The following CPNE4 variants were observed in gnomAD, a reference collection of about 807,000 sequenced individuals.
CPNE4 encodes the protein copine-4.
CPNE4 carries 25 observed loss-of-function variants against 67.9 expected under a neutral mutation model. The ratio of observed to expected loss-of-function variants is 0.37; its 90% CI spans 0.27 to 0.51. The LOEUF is 0.51. CPNE4 is among the 20% of genes least tolerant of loss of function. CPNE4 has a pLI of 0.93. For missense variants in CPNE4, 464 were observed against 690.8 expected (o/e 0.67, Z 3.68); for synonymous variants, 242 against 244.9 (o/e 0.99, Z 0.11).
chr3:131,560,663 T>G (rs1445174193), intron 11 of CPNE4, among the ~76,000 whole-genome samples: 2 of 152,052 alleles, frequency 1.3e-5, no homozygotes, highest in Non-Finnish European at 2.9e-5. Context: ...TTGTGCTTCA[T>G]TAATTTTTCT....
At chr3:131,990,941 C>A (rs1448932589) in intron 1 of CPNE4, among the ~76,000 whole-genome samples, 2 of 136,084 alleles carry the variant, frequency 1.5e-5, no homozygotes, top group African/African-American at 4.9e-5. Context: ...TTATAAGGGG[C>A]TTTCCCCCCT....
chr3:131,592,544 C>T (rs1049546516), intron 7 of CPNE4, among the ~76,000 whole-genome samples: 1 of 151,750 alleles, frequency 6.6e-6, no homozygotes, highest in African/African-American at 2.4e-5. Flanking sequence ...TGTGACTTGA[C>T]TAGACACCTG....
intron 2 of CPNE4, among the ~76,000 whole-genome samples, chr3:131,887,968 T>C (rs1021328451): frequency 1.3e-5 from 2 of 152,202 alleles, no homozygotes; most frequent in Non-Finnish European, 2.9e-5. Flanking sequence ...GTGCTCCAAC[T>C]GGAAGTCCTA....
At chr3:131,908,481 G>C (rs753765218) in intron 1 of CPNE4, among the ~76,000 whole-genome samples, 2 of 151,896 alleles carry the variant, frequency 1.3e-5, no homozygotes, top group Middle Eastern at 3.2e-3. Context: ...CCTGAATTCC[G>C]CTTTTCCCAA....
chr3:131,671,453 G>A (rs9851709), intron 6 of CPNE4, among the ~76,000 whole-genome samples: 50,093 of 134,712 alleles, frequency 0.37, 8,633 homozygotes, highest in African/African-American at 0.43. Flanking sequence ...ATGTATGAGT[G>A]TACACATGTG....
chr3:131,727,459 C>T (rs994544195), intron 2 of CPNE4, among the ~76,000 whole-genome samples: 38 of 143,450 alleles, frequency 2.6e-4, no homozygotes, highest in Admixed American at 1.3e-3. Flanking sequence ...AGCAAGACTC[C>T]GTCTCAAAAA....
At chr3:131,771,358 G>A (rs1039539241) in intron 2 of CPNE4, among the ~76,000 whole-genome samples, 1 of 152,070 alleles carries the variant, frequency 6.6e-6, no homozygotes, top group Non-Finnish European at 1.5e-5. Flanking sequence ...AACTCGATCC[G>A]AATGTTGAGG....
intron 1 of CPNE4, among the ~76,000 whole-genome samples, chr3:131,996,491 T>TAA (rs11454905): frequency 7.1e-4 from 99 of 139,094 alleles, no homozygotes; most frequent in Middle Eastern, 3.5e-3. Context: ...GAGAAAATAA[T>TAA]AAAAAAAAGA....
intron 5 of CPNE4, among the ~76,000 whole-genome samples, chr3:131,690,739 A>AC (rs1330158744): frequency 6.6e-6 from 1 of 152,014 alleles, no homozygotes; most frequent in Admixed American, 6.6e-5. Context: ...GTTAAAAAAA[A>AC]AACTATTAAC....
At chr3:131,629,129 C>G (rs1161140072) in intron 7 of CPNE4, among the ~76,000 whole-genome samples, 1 of 152,120 alleles carries the variant, frequency 6.6e-6, no homozygotes, top group Non-Finnish European at 1.5e-5. Context: ...CAAAGAACAT[C>G]TTTATTTCTG....
intron 7 of CPNE4, among the ~76,000 whole-genome samples, chr3:131,669,001 A>G (rs2080331303): frequency 6.6e-6 from 1 of 152,112 alleles, no homozygotes; most frequent in Non-Finnish European, 1.5e-5. Flanking sequence ...CTGTGGAGGA[A>G]GTGACCTGTG....
At chr3:131,953,238 TTAAAAAAAAA>T (rs2071825697) in intron 1 of CPNE4, among the ~76,000 whole-genome samples, 1 of 75,702 alleles carries the variant, frequency 1.3e-5, no homozygotes, top group African/African-American at 5.0e-5. Context: ...GAATGATCAA[TTAAAAAAAAA>T]AAAAAAAAAA....
chr3:131,643,724 T>C (rs886511478), intron 7 of CPNE4, among the ~76,000 whole-genome samples: 1 of 152,182 alleles, frequency 6.6e-6, no homozygotes, highest in Non-Finnish European at 1.5e-5. Flanking sequence ...TGGGAGATAA[T>C]TGAATCATGG....
chr3:131,612,343 C>A (rs776270585), intron 7 of CPNE4, among the ~76,000 whole-genome samples: 1 of 152,104 alleles, frequency 6.6e-6, no homozygotes, highest in Non-Finnish European at 1.5e-5. Flanking sequence ...CACTGCACTT[C>A]AGCCTTGGCA....
chr3:131,734,341 T>C (rs2107766156), intron 2 of CPNE4, among the ~76,000 whole-genome samples: 1 of 152,286 alleles, frequency 6.6e-6, no homozygotes, highest in South Asian at 2.1e-4. Flanking sequence ...CTTAAATTCT[T>C]AGAGAACATT....
intron 1 of CPNE4, among the ~76,000 whole-genome samples, chr3:132,009,010 T>C (rs1020909291): frequency 6.6e-6 from 1 of 152,178 alleles, no homozygotes; most frequent in Non-Finnish European, 1.5e-5. Context: ...ACTCTCAAAG[T>C]TGATGGGCCC....
chr3:131,961,008 T>C (rs1436188342), intron 1 of CPNE4, among the ~76,000 whole-genome samples: 1 of 152,116 alleles, frequency 6.6e-6, no homozygotes, highest in Admixed American at 6.5e-5. Context: ...TGGTACAAAC[T>C]CAGAGAGATG....
At chr3:131,614,345 G>A (rs1171617346) in intron 7 of CPNE4, among the ~76,000 whole-genome samples, 1 of 152,182 alleles carries the variant, frequency 6.6e-6, no homozygotes, top group Non-Finnish European at 1.5e-5. Context: ...AATATATGCT[G>A]GAAGAAGGTG....
intron 2 of CPNE4, among the ~76,000 whole-genome samples, chr3:131,894,593 A>G (rs546223797): frequency 6.6e-6 from 1 of 152,014 alleles, no homozygotes; most frequent in Admixed American, 6.6e-5. Flanking sequence ...CATACATATG[A>G]TGAACCAGCA....
Sources: gnomAD v4.1 joint callset for allele counts (sites outside exome capture counted in the v4.1 genomes callset) on GRCh38, gnomAD v4.1.1 for gene constraint, MANE v1.5 for transcripts, NCBI Gene and HGNC (gene_info 2026-07-23, HGNC 2026-07-21) for gene names.